TNFAIP8: variants seen among roughly 807,000 people sequenced by gnomAD.
TNFAIP8 encodes the protein TNF alpha induced protein 8, also known as tumor necrosis factor alpha-induced protein 8.
Under a neutral mutation model 13.3 loss-of-function variants are expected in TNFAIP8, and 7 were observed. That is an observed-to-expected ratio of 0.52 (90% CI 0.30 to 0.99). The LOEUF is 0.99. TNFAIP8 is among the 50% of genes least tolerant of loss of function. The probability of loss-of-function intolerance (pLI) is 0.07; values close to 1 mark genes in which losing one functional copy is unlikely to be tolerated. For synonymous variants in TNFAIP8, 94 were observed against 87.6 expected (o/e 1.07, Z -0.41); for missense variants, 258 against 236.9 (o/e 1.09, Z -0.58).
rs180780744 is a variant in TNFAIP8 at position 119,287,966 on chromosome 5, C to T, written c.1+19059C>T. On this transcript the variant is annotated intron_variant, in intron 1 of 1. Transcript: ENST00000274456. ...TGGTCTAGACAGTCACCACCTTGTA[C>T]GTGAGTAATTGGCCCATAAGCTCTT... 6.3e-4 allele frequency among the ~76,000 whole-genome samples: 96 copies of T among 152,222 alleles called. 1 individual carries two copies. The East Asian group carries it at 8.1e-3, about 13-fold the overall frequency.
At chr5:119,275,139 C>T (rs1748400392) in intron 1 of TNFAIP8, among the ~76,000 whole-genome samples, 1 of 151,318 alleles carries the variant, frequency 6.6e-6, no homozygotes, top group African/African-American at 2.4e-5. Context: ...CACCTATGTA[C>T]CCATCTTAAG....
chr5:119,324,537 C>T (rs1330721376), intron 1 of TNFAIP8, among the ~76,000 whole-genome samples: 3 of 151,964 alleles, frequency 2.0e-5, no homozygotes, highest in Admixed American at 6.6e-5. Context: ...TTTTCTGTTT[C>T]GCTTTGAAAA....
At position 119,296,191 on chromosome 5, in the gene TNFAIP8, C is replaced by T. The variant is rs573720049; in HGVS notation, c.1+27284C>T. Among the ~76,000 whole-genome samples the T allele has an allele frequency of 7.1e-3, 1,081 of 151,506 alleles. 2 individuals are homozygous for T. Among genetic ancestry groups the T allele is most frequent in the Non-Finnish European group, 0.012 (785 of 67,838 alleles). ...GAATAGGAGTGGTGAGAGAGGGCATCCCTGTCTTGTGCCAGTTTTCAAAGG... is the reference window on the plus strand; with the variant it reads ...GAATAGGAGTGGTGAGAGAGGGCATTCCTGTCTTGTGCCAGTTTTCAAAGG... On this transcript the variant is annotated intron_variant, in intron 1 of 1. Transcript: ENST00000274456.
chr5:119,341,223 G>T (rs1466210460), intron 1 of TNFAIP8, among the ~76,000 whole-genome samples: 2 of 151,942 alleles, frequency 1.3e-5, no homozygotes, highest in East Asian at 3.9e-4. Flanking sequence ...ACCTAAGCGA[G>T]AGATTGCTTA....
intron 1 of TNFAIP8, among the ~76,000 whole-genome samples, chr5:119,377,478 A>G (rs1457724053): frequency 1.3e-5 from 2 of 152,188 alleles, no homozygotes; most frequent in African/African-American, 4.8e-5. Flanking sequence ...TTTTTCTGCC[A>G]TAAGGCTCTT....
chr5:119,353,985 T>C (rs1366389974), upstream of TNFAIP8, among the ~76,000 whole-genome samples: 1 of 152,156 alleles, frequency 6.6e-6, no homozygotes, highest in Non-Finnish European at 1.5e-5. Context: ...GGACTATCTG[T>C]GGACATCTGG....
chr5:119,302,325 T>C (rs889640729), intron 1 of TNFAIP8, among the ~76,000 whole-genome samples: 4 of 152,204 alleles, frequency 2.6e-5, no homozygotes, highest in Non-Finnish European at 4.4e-5. Context: ...TCCAGAAATA[T>C]GGACATCCTT....
intron 1 of TNFAIP8, among the ~76,000 whole-genome samples, chr5:119,271,895 T>C (rs1421689631): frequency 1.3e-5 from 2 of 152,210 alleles, no homozygotes; most frequent in African/African-American, 4.8e-5. Context: ...CCAACCTTTA[T>C]GTTTCCCTCT....
intron 1 of TNFAIP8, among the ~76,000 whole-genome samples, chr5:119,321,828 C>A (rs553303894): frequency 1.3e-5 from 2 of 152,282 alleles, no homozygotes; most frequent in South Asian, 2.1e-4. Context: ...TCCAACCCCC[C>A]ACGGCTTTCC....
intron 1 of TNFAIP8, among the ~76,000 whole-genome samples, chr5:119,349,919 A>C (rs1406382645): frequency 6.6e-6 from 1 of 152,250 alleles, no homozygotes; most frequent in Non-Finnish European, 1.5e-5. Flanking sequence ...ACAGTTTAAT[A>C]CAGTGAGAAA....
Position 119,393,591 on chromosome 5 carries a change from C to A in TNFAIP8, c.*210C>A. The A allele has an allele frequency of 1.8e-6, 1 of 550,570 alleles. No homozygotes were observed. The highest frequency in any genetic ancestry group is 2.2e-5 in the South Asian group (1 of 44,832). 34.1% of individuals were successfully genotyped at this position (550,570 alleles called of 1,614,324 possible). On this transcript the variant is annotated 3_prime_UTR_variant, in exon 2 of 2. Transcript: ENST00000504771. The stretch of plus-strand genomic sequence containing the variant: ...AAAATTCTGGTTAAAAGCTTCCTAA[C>A]GGGTAACAGACCATGGGAGAGATAT...
At chr5:119,353,965 G>C (rs1751283081), upstream of TNFAIP8, among the ~76,000 whole-genome samples, 1 of 152,200 alleles carries the variant, frequency 6.6e-6, no homozygotes, top group Admixed American at 6.5e-5. Context: ...GATCCCTTAA[G>C]ATCTCTTGTG....
At chr5:119,292,685 TACAC>T (rs71591296) in intron 1 of TNFAIP8, among the ~76,000 whole-genome samples, 6,883 of 51,482 alleles carry the variant, frequency 0.13, 1,777 homozygotes, top group Non-Finnish European at 0.2. Flanking sequence ...TATATATATA[TACAC>T]ACACACACAA....
At chr5:119,374,036 G>T (rs960185497) in intron 1 of TNFAIP8, among the ~76,000 whole-genome samples, 1 of 151,900 alleles carries the variant, frequency 6.6e-6, no homozygotes, top group African/African-American at 2.4e-5. Context: ...TATATTTAGG[G>T]GAGTATCAGT....
chr5:119,312,662 G>A (rs958830583), intron 1 of TNFAIP8, among the ~76,000 whole-genome samples: 2 of 149,636 alleles, frequency 1.3e-5, no homozygotes, highest in Non-Finnish European at 3.0e-5. Context: ...ACACTGGGAG[G>A]CCAAGGCAGG....
chr5:119,286,226 C>T (rs1362972590), intron 1 of TNFAIP8, among the ~76,000 whole-genome samples: 1 of 152,174 alleles, frequency 6.6e-6, no homozygotes. Flanking sequence ...GGGTAACTCC[C>T]TCACTGCACT....
At chr5:119,300,612 A>T (rs1282190513) in intron 1 of TNFAIP8, among the ~76,000 whole-genome samples, 2 of 152,150 alleles carry the variant, frequency 1.3e-5, no homozygotes, top group Non-Finnish European at 2.9e-5. Flanking sequence ...TTCCAGTCTC[A>T]TAATTAACAT....
chr5:119,364,134 A>G (rs1248122625), intron 1 of TNFAIP8, among the ~76,000 whole-genome samples: 4 of 152,092 alleles, frequency 2.6e-5, no homozygotes, highest in Non-Finnish European at 5.9e-5. Flanking sequence ...CCCTGCCCAG[A>G]GTGGGGGAAC....
Position 119,334,624 on chromosome 5 carries a change from C to CGTGTGTGTGTGT in TNFAIP8, c.2-58167_2-58156dup, listed in dbSNP as rs59714206. The stretch of plus-strand genomic sequence containing the variant: ...CCTAGAGCTGTGCATGTGATCCTTT[C>CGTGTGTGTGTGT]GTGTGTGTGTGTGTGTGTGTGTGTG... On this transcript the variant is annotated intron_variant, in intron 1 of 1. Transcript: ENST00000274456. Among the ~76,000 whole-genome samples, 1,319 of 135,780 alleles carry CGTGTGTGTGTGT rather than the reference C, an allele frequency of 9.7e-3. 19 individuals are homozygous for CGTGTGTGTGTGT. The highest frequency in any genetic ancestry group is 0.035 in the African/African-American group (1,250 of 35,338). The allele number at this position is 135,780 out of a possible 152,430, so 89.1% of individuals were successfully genotyped here.
Sources: allele counts gnomAD v4.1 joint callset (sites outside exome capture counted in the v4.1 genomes callset), GRCh38; gene constraint gnomAD v4.1.1; transcripts MANE v1.5; gene names NCBI Gene and HGNC (gene_info 2026-07-23, HGNC 2026-07-21).